RRM2: variants seen among roughly 807,000 people sequenced by gnomAD.
The protein encoded by RRM2 is ribonucleotide reductase regulatory subunit M2.
In RRM2, 6 loss-of-function variants were observed where a neutral mutation model predicts 45.9. The ratio of observed to expected loss-of-function variants is 0.13; its 90% CI spans 0.07 to 0.26. RRM2 has a LOEUF of 0.26. RRM2 is among the 10% of genes least tolerant of loss of function. The pLI, the probability that RRM2 is intolerant of heterozygous loss-of-function variation, is 1.00. For synonymous variants in RRM2, 177 were observed against 173.0 expected, an observed-to-expected ratio of 1.02 and a Z score of -0.18; for missense variants, 343 against 489.5, an observed-to-expected ratio of 0.70 and a Z score of 2.82.
intron 3 of RRM2, among the ~76,000 whole-genome samples, chr2:10,174,090 G>C (rs1484683786): frequency 6.6e-6 from 1 of 152,156 alleles, no homozygotes; most frequent in African/African-American, 2.4e-5. Flanking sequence ...TGATCCACTA[G>C]GATTAGGATC....
chr2:10,160,534 G>A (rs910581203), intron 3 of RRM2, among the ~76,000 whole-genome samples: 1 of 152,218 alleles, frequency 6.6e-6, no homozygotes, highest in Non-Finnish European at 1.5e-5. Flanking sequence ...ATGGGCAGGG[G>A]CTCCTCCCTA....
intron 3 of RRM2, among the ~76,000 whole-genome samples, chr2:10,188,863 T>G (rs545955301): frequency 2.6e-4 from 39 of 152,170 alleles, no homozygotes; most frequent in Non-Finnish European, 2.2e-4. Context: ...CCTAGGAGCT[T>G]CTGTCTGAGA....
At chr2:10,151,773 T>C (rs947418629) in intron 3 of RRM2, among the ~76,000 whole-genome samples, 1 of 152,224 alleles carries the variant, frequency 6.6e-6, no homozygotes, top group African/African-American at 2.4e-5. Flanking sequence ...ACACTTGGCA[T>C]GGCCAATCTT....
At chr2:10,178,765 C>A (rs1663985003) in intron 3 of RRM2, among the ~76,000 whole-genome samples, 1 of 152,120 alleles carries the variant, frequency 6.6e-6, no homozygotes, top group Non-Finnish European at 1.5e-5. Flanking sequence ...ATCTCACACC[C>A]AATATAATAG....
At chr2:10,138,260 C>T (rs143639055), upstream of RRM2, among the ~76,000 whole-genome samples, 4,356 of 151,932 alleles carry the variant, frequency 0.029, 214 homozygotes, top group African/African-American at 0.098. Flanking sequence ...CTCTGCCTCC[C>T]GGGTTCAAGT....
At chr2:10,187,347 C>G (rs897757187) in intron 3 of RRM2, among the ~76,000 whole-genome samples, 7 of 152,176 alleles carry the variant, frequency 4.6e-5, no homozygotes, top group Non-Finnish European at 1.0e-4. Context: ...GCCACGGTGC[C>G]GCAGGCTCAG....
intron 3 of RRM2, among the ~76,000 whole-genome samples, chr2:10,170,136 C>T (rs1663768517): frequency 6.6e-6 from 1 of 152,182 alleles, no homozygotes. Flanking sequence ...CTCCGGACAT[C>T]CAGAGTGAGC....
chr2:10,204,781 T>TCCC lies in RRM2; in HGVS notation n.483-5529_483-5527dup, dbSNP rs1664633253. On this transcript the variant is annotated intron_variant and non_coding_transcript_variant, in intron 3 of 3. Transcript: ENST00000381786. This position sits in a 1 kb window ranked among gnomAD's most constrained non-coding sequence, Gnocchi z 4.0. The stretch of plus-strand genomic sequence containing the variant: ...TGTGGCTGGGAGCCAAGCCTCAGGG[T>TCCC]CCCTTTTCCTCTTCCAAGATGGGTG... 6.6e-6 allele frequency among the ~76,000 whole-genome samples: 1 copy of TCCC among 152,192 alleles called. No homozygotes were observed. Among genetic ancestry groups the TCCC allele is most frequent in the African/African-American group, 2.4e-5 (1 of 41,438 alleles).
intron 2 of RRM2, 29 bp from the exon 3 acceptor site, chr2:10,123,358 C>CTT: frequency 6.3e-7 from 1 of 1,588,182 alleles, no homozygotes; most frequent in East Asian, 2.2e-5. Context: ...TCGCCCGGTA[C>CTT]TTAAATGTTT....
At chr2:10,138,126 G>A (rs1257590151), upstream of RRM2, among the ~76,000 whole-genome samples, 2 of 151,702 alleles carry the variant, frequency 1.3e-5, no homozygotes, top group Non-Finnish European at 2.9e-5. Flanking sequence ...TCAGCCTCCT[G>A]AGCAGCTGGA....
intron 3 of RRM2, among the ~76,000 whole-genome samples, chr2:10,167,676 G>A (rs974272800): frequency 6.6e-6 from 1 of 152,142 alleles, no homozygotes; most frequent in East Asian, 1.9e-4. Flanking sequence ...TGGAGAGGTG[G>A]GATCAGGGCC....
chr2:10,187,522 T>A (rs1664194036), intron 3 of RRM2, among the ~76,000 whole-genome samples: 1 of 152,150 alleles, frequency 6.6e-6, no homozygotes, highest in Admixed American at 6.5e-5. Context: ...CTGGGGGAGA[T>A]GTGGACGCTC....
At chr2:10,150,395 C>T (rs751508836) in intron 3 of RRM2, among the ~76,000 whole-genome samples, 1 of 149,234 alleles carries the variant, frequency 6.7e-6, no homozygotes, top group Non-Finnish European at 1.5e-5. Context: ...TGCAGTGAGC[C>T]GAGATCACGC....
rs930027862 is a variant in RRM2 at position 10,149,375 on chromosome 2, C to T, written n.482+7000C>T. Among the ~76,000 whole-genome samples the T allele has an allele frequency of 4.5e-4, 69 of 152,232 alleles. 1 individual carries two copies. The highest frequency in any genetic ancestry group is 1.6e-3 in the African/African-American group (67 of 41,538). ...AACTCCTGGCCTCAGGTGATCTGCC[C>T]GCCTCAGCCTCCCAAAGTGCTGGGA... On this transcript the variant is annotated intron_variant and non_coding_transcript_variant, in intron 3 of 3. Transcript: ENST00000381786.
At chr2:10,196,161 C>T (rs1409901578) in intron 3 of RRM2, among the ~76,000 whole-genome samples, 1 of 152,184 alleles carries the variant, frequency 6.6e-6, no homozygotes, top group Non-Finnish European at 1.5e-5. Flanking sequence ...TGCGGCACTG[C>T]AGACCCCTGT....
rs1558380890 is a variant in RRM2 at position 10,127,271 on chromosome 2, G to T, written c.798+51G>T. On this transcript the variant is annotated intron_variant, in intron 7 of 9. Coordinates refer to ENST00000304567, the MANE Select transcript of RRM2 (RefSeq NM_001034.4). The surrounding 1 kb of genome is among the most constrained non-coding windows in gnomAD (Gnocchi z 4.1). ...GACCTAAACCCCAAACACAACTCGG[G>T]CATGCTCTTGTGTTCACTGACGGGG... 1 of 1,584,868 alleles carries T rather than the reference G, an allele frequency of 6.3e-7. No individual in the cohort carries two copies. Among genetic ancestry groups the T allele is most frequent in the East Asian group, 2.2e-5 (1 of 44,502 alleles).
chr2:10,137,329 G>C (rs1045172623), upstream of RRM2, among the ~76,000 whole-genome samples: 1 of 152,220 alleles, frequency 6.6e-6, no homozygotes, highest in Non-Finnish European at 1.5e-5. Context: ...CCCCATGCTG[G>C]TCCGCCCAAG....
downstream of RRM2, among the ~76,000 whole-genome samples, chr2:10,132,715 C>T (rs1399865190): frequency 6.6e-6 from 1 of 152,204 alleles, no homozygotes; most frequent in African/African-American, 2.4e-5. Context: ...TTTGCCTTTA[C>T]ACCTAAAAGT....
Position 10,202,605 on chromosome 2 carries a change from G to A in RRM2, n.483-7706G>A, listed in dbSNP as rs147777319. On this transcript the variant is annotated intron_variant and non_coding_transcript_variant, in intron 3 of 3. Coordinates refer to the RRM2 transcript ENST00000381786. ...TTTATTTTGGGGTGAGAAGGTTTCT[G>A]GTCGGCAGGGAAGTTATCTCAGGTT... Among the ~76,000 whole-genome samples, 35 of 151,554 alleles carry A rather than the reference G, an allele frequency of 2.3e-4. No homozygotes were observed. In the East Asian group the frequency reaches 6.4e-3, roughly 28 times the overall value.
Sources: allele counts gnomAD v4.1 joint callset (sites outside exome capture counted in the v4.1 genomes callset), GRCh38; gene constraint gnomAD v4.1.1; non-coding constraint Gnocchi (gnomAD v3.1); transcripts MANE v1.5; gene names NCBI Gene and HGNC (gene_info 2026-07-23, HGNC 2026-07-21).